UNC119: variants seen among roughly 807,000 people sequenced by gnomAD.
UNC119 encodes the protein protein unc-119 homolog A.
Under a neutral mutation model 22.6 loss-of-function variants are expected in UNC119, and 15 were observed. The observed-to-expected ratio is 0.66, with a 90% CI of 0.44 to 1.02. The LOEUF is 1.02. UNC119 is among the 50% of genes least tolerant of loss of function. UNC119 has a pLI of 0.00. For synonymous variants in UNC119, 138 were observed against 139.4 expected, an observed-to-expected ratio of 0.99 and a Z score of 0.07; for missense variants, 322 against 336.0, an observed-to-expected ratio of 0.96 and a Z score of 0.33.
chr17:28,547,216 TG>T lies in UNC119; in HGVS notation c.*80del, dbSNP rs2070215099. ...TGGAGAACTCCCCAAGCAGAGGACT[TG>T]GGGTTGAGGGGTGAGCGTTGGGGAG... On this transcript the variant is annotated 3_prime_UTR_variant, in exon 5 of 5. Transcript: ENST00000335765. 2.6e-6 allele frequency: 4 copies of T among 1,542,166 alleles called. No individual in the cohort carries two copies. The Admixed American group carries it at 7.2e-5, about 28-fold the overall frequency.
At chr17:28,551,842 G>C in intron 1 of UNC119, 1 of 228,234 alleles carries the variant, frequency 4.4e-6, no homozygotes, top group South Asian at 4.8e-5. Flanking sequence ...GGAAGAAAAT[G>C]GCCCAAGTCT....
rs1249052573 is a variant in UNC119, at chr17:28,552,378, G to A, written c.180C>T (p.Ile60=). The A allele has an allele frequency of 5.8e-6, 9 of 1,548,122 alleles. No individual in the cohort carries two copies. The highest frequency in any genetic ancestry group is 7.8e-6 in the Non-Finnish European group (9 of 1,154,190). Residue 60 remains isoleucine (I), a synonymous_variant, in exon 1 of 5, where the codon ATC becomes ATT. Coordinates refer to ENST00000335765, the MANE Select transcript of UNC119 (RefSeq NM_005148.4). ...RPGPLQRKQP[I]GPEDVLGLQR... ...GCAGCCCCAGCACGTCCTCCGGCCC[G>A]ATCGGCTGCTTCCTCTGCAGCGGCC...
At chr17:28,548,179 C>G (rs995488280) in intron 2 of UNC119, 78 bp from the exon 3 acceptor site, 10 of 1,430,302 alleles carry the variant, frequency 7.0e-6, no homozygotes, top group Non-Finnish European at 8.6e-6. Context: ...CTTGGGTCCC[C>G]ATCTATCTGA....
chr17:28,547,412 G>A lies in UNC119; in HGVS notation c.611-3C>T, dbSNP rs2070218613. On this transcript the variant is annotated splice_region_variant and splice_polypyrimidine_tract_variant and intron_variant, in intron 4 of 4. Coordinates refer to ENST00000335765, the MANE Select transcript of UNC119 (RefSeq NM_005148.4). ...CGGGTGGCGGATCATCTCGCTGACT[G>A]CAAGAGAGGCCCAGCCAGGCCGGGC... 1.2e-6 allele frequency: 2 copies of A among 1,614,148 alleles called. No homozygotes were observed. Among genetic ancestry groups the A allele is most frequent in the Non-Finnish European group, 1.7e-6 (2 of 1,180,012 alleles).
In UNC119 at chr17:28,552,599, C is replaced by A. The variant is rs1413779887; in HGVS notation, c.-42G>T. Reference sequence around the variant, plus strand: ...GGCTCGCCTGCTGCTGCCGCCGCTGCCTGCGCCGGCTGGAGCCGGGGGAAG... The same window carrying A: ...GGCTCGCCTGCTGCTGCCGCCGCTGACTGCGCCGGCTGGAGCCGGGGGAAG... On this transcript the variant is annotated 5_prime_UTR_variant, in exon 1 of 5. Coordinates refer to ENST00000335765, the MANE Select transcript of UNC119 (RefSeq NM_005148.4). The A allele has an allele frequency of 1.2e-5, 17 of 1,467,990 alleles. No homozygotes were observed. The highest frequency in any genetic ancestry group is 1.5e-5 in the Non-Finnish European group (17 of 1,113,046). 90.9% of individuals were successfully genotyped at this position (1,467,990 alleles called of 1,614,324 possible).
intron 2 of UNC119, 141 bp downstream of exon 2, chr17:28,548,451 C>T (rs901328128): frequency 5.8e-6 from 4 of 693,768 alleles, no homozygotes; most frequent in Non-Finnish European, 9.7e-6. Context: ...AAAGAAAGGG[C>T]CCCCCTGCCT....
At position 28,552,363 on chromosome 17, in the gene UNC119, C is replaced by G. The variant is rs942165942; in HGVS notation, c.195G>C (p.Val65=). Residue 65 remains valine (V), a synonymous_variant, in exon 1 of 5, where the codon GTG becomes GTC. Coordinates refer to ENST00000335765, the MANE Select transcript of UNC119 (RefSeq NM_005148.4). Reference sequence around the variant, plus strand: ...CACCGGTGATCCGCTGCAGCCCCAGCACGTCCTCCGGCCCGATCGGCTGCT... The same window carrying G: ...CACCGGTGATCCGCTGCAGCCCCAGGACGTCCTCCGGCCCGATCGGCTGCT... ...QRKQPIGPED[V]LGLQRITGDY... 2 of 1,541,360 alleles carry G rather than the reference C, an allele frequency of 1.3e-6. No individual in the cohort carries two copies. Among genetic ancestry groups the G allele is most frequent in the African/African-American group, 2.7e-5 (2 of 73,310 alleles).
At chr17:28,548,559 C>G in intron 2 of UNC119, 33 bp downstream of exon 2, 1 of 1,578,944 alleles carries the variant, frequency 6.3e-7, no homozygotes, top group Non-Finnish European at 8.7e-7. Context: ...CTCCTATCTG[C>G]CTCCCCATCA....
chr17:28,552,588 T>C lies in UNC119; in HGVS notation c.-31A>G, dbSNP rs763603203. 1 of 1,477,866 alleles carries C rather than the reference T, an allele frequency of 6.8e-7. No homozygotes were observed. The highest frequency in any genetic ancestry group is 8.9e-7 in the Non-Finnish European group (1 of 1,120,152). The allele number at this position is 1,477,866 out of a possible 1,614,324, so 91.5% of individuals were successfully genotyped here. ...TGCGGGGCCGAGGCTCGCCTGCTGC[T>C]GCCGCCGCTGCCTGCGCCGGCTGGA... On this transcript the variant is annotated 5_prime_UTR_variant, in exon 1 of 5. Transcript: ENST00000335765.
At chr17:28,548,487 C>T (rs2070236066) in intron 2 of UNC119, 105 bp downstream of exon 2, 2 of 957,356 alleles carry the variant, frequency 2.1e-6, no homozygotes, top group Non-Finnish European at 3.3e-6. Flanking sequence ...TGCTGGGGTC[C>T]AAGCCCCAGC....
intron 2 of UNC119, 92 bp downstream of exon 2, chr17:28,548,500 T>C: frequency 9.2e-7 from 1 of 1,089,662 alleles, no homozygotes. Flanking sequence ...GCCCCAGCTC[T>C]GTGGACTCCT....
Position 28,552,412 on chromosome 17 carries a change from G to A in UNC119, c.146C>T (p.Pro49Leu). The change falls in exon 1 of 5, where the codon CCC (proline) becomes CTC (leucine). Residue 49 changes from proline (P) to leucine (L), a missense_variant. Physicochemically the swap from Pro to Leu is moderately conservative, Grantham distance 98 (BLOSUM62 -3). Transcript: ENST00000335765. ...SESEPDAGPG[P>L]RPGPLQRKQP... ...CTTCCTCTGCAGCGGCCCCGGCCTG[G>A]GCCCTGGGCCTGCGTCCGGCTCCGA... is the stretch of plus-strand genomic sequence containing the variant. 6.4e-7 allele frequency: 1 copy of A among 1,555,898 alleles called. No individual in the cohort carries two copies. Among genetic ancestry groups the A allele is most frequent in the Non-Finnish European group, 8.6e-7 (1 of 1,158,910 alleles).
rs2070289243 is a variant in UNC119 at position 28,552,580 on chromosome 17, C to CCTG, written c.-26_-24dup. 4.0e-6 allele frequency: 6 copies of CCTG among 1,487,338 alleles called. No homozygotes were observed. Among genetic ancestry groups the CCTG allele is most frequent in the Admixed American group, 2.3e-5 (1 of 43,944 alleles). The allele number at this position is 1,487,338 out of a possible 1,614,324, so 92.1% of individuals were successfully genotyped here. On this transcript the variant is annotated 5_prime_UTR_variant, in exon 1 of 5. Coordinates refer to ENST00000335765, the MANE Select transcript of UNC119 (RefSeq NM_005148.4). ...CATGGCCTTGCGGGGCCGAGGCTCG[C>CCTG]CTGCTGCTGCCGCCGCTGCCTGCGC... is the stretch of plus-strand genomic sequence containing the variant.
At position 28,552,496 on chromosome 17, in the gene UNC119, G is replaced by C; in HGVS notation, c.62C>G (p.Ser21Trp). The change falls in exon 1 of 5, where the codon TCG (serine) becomes TGG (tryptophan). Residue 21 changes from serine (S) to tryptophan (W), a missense_variant. Physicochemically the swap from Ser to Trp is radical, Grantham distance 177 (BLOSUM62 -3). Transcript: ENST00000335765. ...TGGTATGGGGGCCACGCTCTGGCCC[G>C]AGGGCCCCGGAGCGGACTCCGTCGC... ...GTATESAPGP[S>W]GQSVAPIPQP... is the part of the protein sequence containing the mutation. 1 of 1,567,936 alleles carries C rather than the reference G, an allele frequency of 6.4e-7. No homozygotes were observed. The highest frequency in any genetic ancestry group is 8.6e-7 in the Non-Finnish European group (1 of 1,166,906).
In UNC119 at chr17:28,547,888, A is replaced by T; in HGVS notation, c.438-39T>A. 7 of 1,613,028 alleles carry T rather than the reference A, an allele frequency of 4.3e-6. No individual in the cohort carries two copies. In the Middle Eastern group the frequency reaches 8.3e-4, roughly 190 times the overall value. ...GGAGGCAGGGCTAAGTCTGTCCTTG[A>T]AGTCAACTAGCCAGCCAGGCTCAGG... On this transcript the variant is annotated intron_variant, in intron 3 of 4. Coordinates refer to ENST00000335765, the MANE Select transcript of UNC119 (RefSeq NM_005148.4).
At position 28,547,337 on chromosome 17, in the gene UNC119, A is replaced by C; in HGVS notation, c.683T>G (p.Met228Arg). Reference sequence around the variant, plus strand: ...GTAGGAATAGTCTGCTTTATTGTGCATCACCAGCCGGTCATCCACGAAGTA... The same window carrying C: ...GTAGGAATAGTCTGCTTTATTGTGCCTCACCAGCCGGTCATCCACGAAGTA... ...SFYFVDDRLV[M>R]HNKADYSYSG... The change falls in exon 5 of 5, where the codon ATG (methionine) becomes AGG (arginine). Residue 228 changes from methionine (M) to arginine (R), a missense_variant. Transcript: ENST00000335765. The C allele has an allele frequency of 6.2e-7, 1 of 1,614,182 alleles. No homozygotes were observed. Among genetic ancestry groups the C allele is most frequent in the Non-Finnish European group, 8.5e-7 (1 of 1,180,014 alleles).
chr17:28,548,522 G>A (rs889862014), intron 2 of UNC119, 70 bp downstream of exon 2: 4 of 1,342,960 alleles, frequency 3.0e-6, no homozygotes, highest in Non-Finnish European at 4.3e-6. Flanking sequence ...TGTGGCCCAA[G>A]GATTCCCTGG....
intron 1 of UNC119, chr17:28,551,605 G>A (rs913164440): frequency 5.9e-5 from 9 of 153,172 alleles, no homozygotes; most frequent in Admixed American, 1.3e-4. Flanking sequence ...AGAGAGGTGA[G>A]GTTACTTGCC....
At position 28,552,462 on chromosome 17, in the gene UNC119, A is replaced by C; in HGVS notation, c.96T>G (p.Pro32=). ...GQSVAPIPQP[P]AESESGSESE... is the part of the protein sequence containing the mutation. ...ACTCGGACCCAGATTCGGATTCCGC[A>C]GGCGGCTGTGGTATGGGGGCCACGC... The change falls in exon 1 of 5, where the codon CCT becomes CCG. Residue 32 remains proline, a synonymous_variant. Transcript: ENST00000335765. 1 of 1,578,582 alleles carries C rather than the reference A, an allele frequency of 6.3e-7. No homozygotes were observed. Among genetic ancestry groups the C allele is most frequent in the African/African-American group, 1.4e-5 (1 of 73,250 alleles).
Sources: allele counts gnomAD v4.1 joint callset, GRCh38; gene constraint gnomAD v4.1.1; transcripts MANE v1.5; gene names NCBI Gene and HGNC (gene_info 2026-07-23, HGNC 2026-07-21).